The following ANKRD16 variants were observed in gnomAD, a reference collection of about 807,000 sequenced individuals.
ANKRD16 encodes ankyrin repeat domain-containing protein 16.
Under a neutral mutation model 37.9 loss-of-function variants are expected in ANKRD16, and 35 were observed. The ratio of observed to expected loss-of-function variants is 0.92; its 90% CI spans 0.71 to 1.23. The LOEUF is 1.23. ANKRD16 is among the 50% of genes most tolerant of loss of function. The pLI is 0.00. For synonymous variants in ANKRD16, 206 were observed against 197.2 expected (o/e 1.04, Z -0.37); for missense variants, 480 against 469.9 (o/e 1.02, Z -0.20).
Position 5,880,297 on chromosome 10 carries a change from C to G in ANKRD16, c.928+1G>C. 1.3e-5 allele frequency: 20 copies of G among 1,583,762 alleles called. No individual in the cohort carries two copies. The highest frequency in any genetic ancestry group is 1.7e-5 in the Non-Finnish European group (20 of 1,161,014). The stretch of plus-strand genomic sequence containing the variant: ...AAGGCATATATAAAATTAAACGGTA[C>G]CTGATCGATTTTTTTCATCTTTAGA... On this transcript the variant is annotated splice_donor_variant, in intron 6 of 7. Coordinates refer to ENST00000380094, the MANE Select transcript of ANKRD16 (RefSeq NM_019046.3). LOFTEE classifies it high-confidence loss of function.
intron 3 of ANKRD16, 99 bp downstream of exon 3, chr10:5,885,621 ATTT>A (rs1842409855): frequency 7.7e-7 from 1 of 1,301,548 alleles, no homozygotes; most frequent in African/African-American, 1.5e-5. Flanking sequence ...TGAAAGCCTA[ATTT>A]TTTTCTTAAA....
At chr10:5,875,911 T>C (rs1250219805) in intron 7 of ANKRD16, among the ~76,000 whole-genome samples, 3 of 151,390 alleles carry the variant, frequency 2.0e-5, no homozygotes, top group Non-Finnish European at 4.4e-5. Context: ...TGAGATGGAG[T>C]CTTGCTCTGT....
chr10:5,889,067 C>A lies in ANKRD16; in HGVS notation c.288G>T (p.Ala96=), dbSNP rs1239425058. Reference sequence around the variant, plus strand: ...AGTCGGCCTTCTTCAGGCAGTCGACCGCTGCCCCCCGGCCCAGCAGGTAGC... The same window carrying A: ...AGTCGGCCTTCTTCAGGCAGTCGACAGCTGCCCCCCGGCCCAGCAGGTAGC... ...CVRYLLGRGA[A]VDCLKKADWT... Residue 96 remains alanine (A), a synonymous_variant, in exon 1 of 8, where the codon GCG becomes GCT. Coordinates refer to ENST00000380094, the MANE Select transcript of ANKRD16 (RefSeq NM_019046.3). 2 of 1,557,720 alleles carry A rather than the reference C, an allele frequency of 1.3e-6. No homozygotes were observed. The highest frequency in any genetic ancestry group is 1.7e-6 in the Non-Finnish European group (2 of 1,158,286).
At chr10:5,883,222 T>C (rs948979030) in intron 4 of ANKRD16, 55 bp from the exon 5 acceptor site, 3 of 1,573,188 alleles carry the variant, frequency 1.9e-6, no homozygotes, top group Non-Finnish European at 2.6e-6. Flanking sequence ...ACAGGGCAAC[T>C]TAGATCTGGG....
At chr10:5,885,365 G>A (rs1316096772) in intron 3 of ANKRD16, among the ~76,000 whole-genome samples, 1 of 151,928 alleles carries the variant, frequency 6.6e-6, no homozygotes, top group African/African-American at 2.4e-5. Context: ...TGAATTTTTA[G>A]TAGAGACAGG....
At position 5,878,898 on chromosome 10, in the gene ANKRD16, T is replaced by C. The variant is rs973363537; in HGVS notation, c.929-611A>G. ...CGCCTGAATGCTCTGGAAACACACT[T>C]TAAATGGTACAAAAAACTTTCTAAA... On this transcript the variant is annotated intron_variant, in intron 6 of 7. Coordinates refer to ENST00000380094, the MANE Select transcript of ANKRD16 (RefSeq NM_019046.3). The surrounding 1 kb of genome is among the most constrained non-coding windows in gnomAD (Gnocchi z 5.1). 6.6e-6 allele frequency among the ~76,000 whole-genome samples: 1 copy of C among 152,190 alleles called. No individual in the cohort carries two copies. Among genetic ancestry groups the C allele is most frequent in the African/African-American group, 2.4e-5 (1 of 41,436 alleles).
chr10:5,876,333 C>A (rs1475662265), intron 7 of ANKRD16, among the ~76,000 whole-genome samples: 1 of 152,168 alleles, frequency 6.6e-6, no homozygotes, highest in East Asian at 1.9e-4. Flanking sequence ...TCATCATCAG[C>A]TGGTTTGTAA....
chr10:5,889,655 G>A lies in ANKRD16; in HGVS notation c.-301C>T, dbSNP rs1206452839. The A allele has an allele frequency of 5.3e-6, 1 of 186,950 alleles. No individual in the cohort carries two copies. The highest frequency in any genetic ancestry group is 1.1e-5 in the Non-Finnish European group (1 of 91,346). 11.6% of individuals were successfully genotyped at this position (186,950 alleles called of 1,614,324 possible). ...CCTCAGGGACGGAGCGGTCCGGGAT[G>A]AGCACGGAGGGGCCTGGGGATCCGA... On this transcript the variant is annotated 5_prime_UTR_variant, in exon 1 of 8. Transcript: ENST00000380094.
At chr10:5,884,283 C>T (rs777953987) in intron 3 of ANKRD16, among the ~76,000 whole-genome samples, 3 of 152,224 alleles carry the variant, frequency 2.0e-5, no homozygotes, top group Non-Finnish European at 4.4e-5. Flanking sequence ...ACCTGCTGCT[C>T]CTCTAACCTT....
chr10:5,882,629 T>C (rs1203605069), intron 5 of ANKRD16: 1 of 161,818 alleles, frequency 6.2e-6, no homozygotes, highest in Non-Finnish European at 1.3e-5. Flanking sequence ...GAGAGCCTAG[T>C]AAATGCAATT....
At chr10:5,887,460 T>A (rs894046220) in intron 2 of ANKRD16, among the ~76,000 whole-genome samples, 9 of 151,534 alleles carry the variant, frequency 5.9e-5, no homozygotes, top group Non-Finnish European at 1.2e-4. Flanking sequence ...GTACAACCTC[T>A]GCCTCCTGGG....
rs1353076580 is a variant in ANKRD16, at chr10:5,870,968, T to A, written c.*33+7129A>T. 2.0e-5 allele frequency among the ~76,000 whole-genome samples: 3 copies of A among 152,176 alleles called. No individual in the cohort carries two copies. On this transcript the variant is annotated intron_variant, in intron 7 of 7. Transcript: ENST00000380094. The surrounding 1 kb of genome is among the most constrained non-coding windows in gnomAD (Gnocchi z 5.0). ...CAAGTCAATCACATTTTCAGCATGG[T>A]AGGAGGAGGCAGGTTCTGCAAATGC...
chr10:5,885,242 G>A (rs1554797134), intron 3 of ANKRD16, among the ~76,000 whole-genome samples: 2 of 151,966 alleles, frequency 1.3e-5, no homozygotes, highest in Non-Finnish European at 2.9e-5. Context: ...CTGCAGTGGC[G>A]CGATCTCGGC....
rs1262043121 is a variant in ANKRD16, at chr10:5,869,847, C to T, written c.*34-7156G>A. On this transcript the variant is annotated intron_variant, in intron 7 of 7. Coordinates refer to ENST00000380094, the MANE Select transcript of ANKRD16 (RefSeq NM_019046.3). The surrounding 1 kb of genome is among the most constrained non-coding windows in gnomAD (Gnocchi z 4.0). ...ACTTTTATTTTAAATACAGGGGGTA[C>T]ATGTGCAGGTTTGTTACCTGGGTAT... 1.3e-5 allele frequency among the ~76,000 whole-genome samples: 2 copies of T among 152,068 alleles called. No individual in the cohort carries two copies. Among genetic ancestry groups the T allele is most frequent in the African/African-American group, 2.4e-5 (1 of 41,386 alleles).
chr10:5,878,175 C>G lies in ANKRD16; in HGVS notation c.1041G>C (p.Arg347Ser). 1.2e-6 allele frequency: 2 copies of G among 1,614,208 alleles called. No homozygotes were observed. Among genetic ancestry groups the G allele is most frequent in the Non-Finnish European group, 1.7e-6 (2 of 1,180,038 alleles). The change falls in exon 7 of 8, where the codon AGG (arginine) becomes AGC (serine). Residue 347 changes from arginine (R) to serine (S), a missense_variant. By Grantham distance (110) the Arg-to-Ser change is moderately radical (BLOSUM62 -1). Transcript: ENST00000380094. This position sits in a 1 kb window ranked among gnomAD's most constrained non-coding sequence, Gnocchi z 5.1. The stretch of plus-strand genomic sequence containing the variant: ...CAGAGCCCTGAAGGACATCTGCTCT[C>G]CTTGGGAGCTGCTGAGCCAGGGTGC... The part of the protein sequence containing the change: ...ITGTLAQQLP[R>S]RADVLQGSGH...
At position 5,889,387 on chromosome 10, in the gene ANKRD16, CGGCG is replaced by C; in HGVS notation, c.-37_-34del. On this transcript the variant is annotated 5_prime_UTR_variant, in exon 1 of 8. Transcript: ENST00000380094. ...GGTCGGGCCGGGCTGCGCGGGGAGG[CGGCG>C]GGCGGGACACCGGCGGCCGGGCAGG... 1 of 1,184,212 alleles carries C rather than the reference CGGCG, an allele frequency of 8.4e-7. No homozygotes were observed. Among genetic ancestry groups the C allele is most frequent in the Non-Finnish European group, 1.0e-6 (1 of 958,640 alleles). 73.4% of individuals were successfully genotyped at this position (1,184,212 alleles called of 1,614,324 possible).
intron 5 of ANKRD16, among the ~76,000 whole-genome samples, chr10:5,881,438 TTATATATATATATATATA>T (rs869185709): frequency 1.8e-4 from 9 of 51,026 alleles, no homozygotes; most frequent in African/African-American, 5.9e-4. Context: ...AAAATATTAT[TTATATATATATATATATA>T]TATATATATA....
In ANKRD16 at chr10:5,870,888, T is replaced by C. The variant is rs1182723093; in HGVS notation, c.*33+7209A>G. ...AGAAGCTGCACAGAGCATGGGCCGATAAATGCATCCACTCCCCGTGCTTTC... is the reference window on the plus strand; with the variant it reads ...AGAAGCTGCACAGAGCATGGGCCGACAAATGCATCCACTCCCCGTGCTTTC... On this transcript the variant is annotated intron_variant, in intron 7 of 7. Transcript: ENST00000380094. This position sits in a 1 kb window ranked among gnomAD's most constrained non-coding sequence, Gnocchi z 5.0. Among the ~76,000 whole-genome samples, 1 of 152,168 alleles carries C rather than the reference T, an allele frequency of 6.6e-6. No individual in the cohort carries two copies. Among genetic ancestry groups the C allele is most frequent in the African/African-American group, 2.4e-5 (1 of 41,450 alleles).
rs1441136182 is a variant in ANKRD16, at chr10:5,870,370, C to A, written c.*34-7679G>T. ...GGCCTCTCTTCCCTGCGACTCTGCCCGGGCACCAGCCAGTCCTCATTCCCT... is the reference window on the plus strand; with the variant it reads ...GGCCTCTCTTCCCTGCGACTCTGCCAGGGCACCAGCCAGTCCTCATTCCCT... On this transcript the variant is annotated intron_variant, in intron 7 of 7. Transcript: ENST00000380094. This position sits in a 1 kb window ranked among gnomAD's most constrained non-coding sequence, Gnocchi z 5.0. Among the ~76,000 whole-genome samples, 1 of 151,426 alleles carries A rather than the reference C, an allele frequency of 6.6e-6. No homozygotes were observed. The highest frequency in any genetic ancestry group is 1.5e-5 in the Non-Finnish European group (1 of 67,926).
Sources: allele counts gnomAD v4.1 joint callset (sites outside exome capture counted in the v4.1 genomes callset), GRCh38; gene constraint gnomAD v4.1.1; non-coding constraint Gnocchi (gnomAD v3.1); transcripts MANE v1.5; gene names NCBI Gene and HGNC (gene_info 2026-07-23, HGNC 2026-07-21).